The following MMP20 variants were observed in gnomAD, a reference collection of about 807,000 sequenced individuals.
MMP20 encodes matrix metallopeptidase 20, also known as matrix metalloproteinase-20.
A neutral mutation model predicts 51.8 loss-of-function variants in MMP20; 50 were observed. The observed-to-expected ratio is 0.97, with a 90% CI of 0.77 to 1.22. The LOEUF (loss-of-function observed/expected upper bound fraction) is 1.22. MMP20 is among the 50% of genes most tolerant of loss of function. The pLI is 0.00. For synonymous variants in MMP20, 244 were observed against 216.2 expected (o/e 1.13, Z -1.13); for missense variants, 663 against 601.4 (o/e 1.10, Z -1.07).
At chr11:102,585,114 A>C (rs1859240103) in intron 8 of MMP20, among the ~76,000 whole-genome samples, 2 of 152,226 alleles carry the variant, frequency 1.3e-5, no homozygotes, top group South Asian at 4.1e-4. Context: ...GTGAGTTTCG[A>C]GTTTCAAGAA....
chr11:102,590,370 C>T (rs1241392784), intron 8 of MMP20, among the ~76,000 whole-genome samples: 7 of 152,138 alleles, frequency 4.6e-5, no homozygotes, highest in Non-Finnish European at 1.0e-4. Flanking sequence ...ATAGTAGAGC[C>T]TCCTATTTGG....
chr11:102,582,142 T>A (rs1187555570), intron 8 of MMP20, among the ~76,000 whole-genome samples: 1 of 152,252 alleles, frequency 6.6e-6, no homozygotes, highest in East Asian at 1.9e-4. Flanking sequence ...TCCACATTTG[T>A]ATTCTAAGGA....
At chr11:102,620,502 A>G (rs1663084522) in intron 1 of MMP20, among the ~76,000 whole-genome samples, 1 of 89,446 alleles carries the variant, frequency 1.1e-5, no homozygotes, top group South Asian at 4.6e-4. Context: ...CCACTTCCTC[A>G]TTGTTAAAAT....
chr11:102,594,551 G>A, intron 7 of MMP20, 70 bp downstream of exon 7: 3 of 1,592,040 alleles, frequency 1.9e-6, no homozygotes, highest in Non-Finnish European at 2.6e-6. Context: ...ATGCTGGCAG[G>A]GCTAGATATG....
chr11:102,592,774 G>A (rs1004419396), intron 8 of MMP20, among the ~76,000 whole-genome samples: 1 of 152,190 alleles, frequency 6.6e-6, no homozygotes, highest in Admixed American at 6.5e-5. Flanking sequence ...GATCTTTGAA[G>A]GAGCTCCTCT....
intron 4 of MMP20, 28 bp from the exon 5 acceptor site, chr11:102,609,126 G>A: frequency 6.2e-7 from 1 of 1,608,564 alleles, no homozygotes; most frequent in Non-Finnish European, 8.5e-7. Context: ...GAAAAAAACA[G>A]TATCAACACA....
intron 5 of MMP20, 146 bp downstream of exon 5, chr11:102,608,791 A>C: frequency 1.2e-6 from 1 of 851,540 alleles, no homozygotes; most frequent in Non-Finnish European, 2.0e-6. Context: ...TATAACTAGC[A>C]AATCAGCTCT....
intron 8 of MMP20, 67 bp downstream of exon 8, chr11:102,593,372 G>T: frequency 2.6e-6 from 4 of 1,548,686 alleles, no homozygotes; most frequent in African/African-American, 1.4e-5. Context: ...TTCGTGGAAG[G>T]GTTTTTATCT....
intron 8 of MMP20, among the ~76,000 whole-genome samples, chr11:102,588,216 C>T (rs1040651771): frequency 8.6e-5 from 13 of 152,006 alleles, no homozygotes; most frequent in African/African-American, 3.1e-4. Flanking sequence ...GATATAGAAA[C>T]ATTACTCCTA....
rs1284603007 is a variant in MMP20, at chr11:102,611,887, G to T, written c.391C>A (p.Pro131Thr). The T allele has an allele frequency of 6.2e-7, 1 of 1,614,134 alleles. No individual in the cohort carries two copies. Among genetic ancestry groups the T allele is most frequent in the Non-Finnish European group, 8.5e-7 (1 of 1,179,940 alleles). The change falls in exon 3 of 10, where the codon CCT becomes ACT. Residue 131 changes from proline to threonine, a missense_variant. Pro to Thr is a conservative substitution (Grantham distance 38). Coordinates refer to ENST00000260228, the MANE Select transcript of MMP20 (RefSeq NM_004771.4). ...TLTYRISKYT[P>T]SMSSVEVDKA... The stretch of plus-strand genomic sequence containing the variant: ...TCCACCTCGACAGAACTCATGGAAG[G>T]TGTGTATTTAGATATTCTGTGAAAA...
chr11:102,583,757 T>C (rs1055685016), intron 8 of MMP20: 1 of 152,174 alleles, frequency 6.6e-6, no homozygotes, highest in Non-Finnish European at 1.5e-5. Context: ...CACAAAAACC[T>C]TATGCCTTTT....
chr11:102,606,670 C>T lies in MMP20; in HGVS notation c.818G>A (p.Arg273Gln), dbSNP rs141875245. The change falls in exon 6 of 10, where the codon CGG becomes CAG. Residue 273 changes from arginine to glutamine, a missense_variant. Transcript: ENST00000260228. The stretch of plus-strand genomic sequence containing the variant: ...AGTGGGCTTCCCCAGGAATACTTTC[C>T]GAGGTCCTAGGATTCAAAATGAGTT... ...VKGIQALYGPRKVFLGKPTLP... is the reference protein window; with the variant it reads ...VKGIQALYGPQKVFLGKPTLP... 2.7e-4 allele frequency: 435 copies of T among 1,613,836 alleles called. No individual in the cohort carries two copies. The highest frequency in any genetic ancestry group is 3.3e-4 in the Non-Finnish European group (394 of 1,179,920).
intron 6 of MMP20, among the ~76,000 whole-genome samples, chr11:102,601,972 C>T (rs1266908581): frequency 2.9e-5 from 4 of 137,602 alleles, no homozygotes; most frequent in Non-Finnish European, 6.1e-5. Flanking sequence ...TTTTTTGAGA[C>T]GGAGTCTTGC....
chr11:102,614,896 A>G (rs1319187306), intron 2 of MMP20, among the ~76,000 whole-genome samples: 1 of 152,064 alleles, frequency 6.6e-6, no homozygotes, highest in East Asian at 1.9e-4. Context: ...ACTTACCATC[A>G]CTGAATGCCA....
chr11:102,616,843 G>A lies in MMP20; in HGVS notation c.343C>T (p.Pro115Ser), dbSNP rs374230120. The A allele has an allele frequency of 2.7e-5, 44 of 1,613,980 alleles. 1 individual carries two copies. In the East Asian group the frequency reaches 9.6e-4, roughly 35 times the overall value. Reference protein sequence around the residue: ...VANYRLFPGEPKWKKNTLTYR... With the variant: ...VANYRLFPGESKWKKNTLTYR... ...GTCAAAGTATTTTTTTTCCATTTGG[G>A]TTCACCAGGGAAGAGGCGATAATTG... The change falls in exon 2 of 10, where the codon CCC becomes TCC. Residue 115 changes from proline to serine, a missense_variant. Pro to Ser is a moderately conservative substitution (Grantham distance 74). Coordinates refer to ENST00000260228, the MANE Select transcript of MMP20 (RefSeq NM_004771.4).
At chr11:102,596,058 T>TCAAG (rs1565392937) in intron 6 of MMP20, among the ~76,000 whole-genome samples, 2 of 152,214 alleles carry the variant, frequency 1.3e-5, no homozygotes, top group African/African-American at 4.8e-5. Flanking sequence ...GATGAAACAC[T>TCAAG]GAAGAAGATG....
chr11:102,604,020 G>GTTT (rs55952766), intron 6 of MMP20, among the ~76,000 whole-genome samples: 23 of 146,356 alleles, frequency 1.6e-4, no homozygotes, highest in African/African-American at 5.8e-4. Context: ...AAACAGAGGT[G>GTTT]TTTTTTTTTT....
chr11:102,601,515 A>T (rs1344945050), intron 6 of MMP20, among the ~76,000 whole-genome samples: 3 of 152,024 alleles, frequency 2.0e-5, no homozygotes, highest in Admixed American at 1.3e-4. Flanking sequence ...TCCTAGGCTC[A>T]TTCTTTAGAC....
In MMP20 at chr11:102,579,119, A is replaced by AC; in HGVS notation, c.1270_1271insG (p.Met424SerfsTer10). ...AGTATTCTTTGGATAGTCTTTTTCC[A>AC]TTTTCCTTTTCCTTTCGTCGTAGCT... On this transcript the variant is annotated frameshift_variant, in exon 9 of 10. Coordinates refer to ENST00000260228, the MANE Select transcript of MMP20 (RefSeq NM_004771.4). LOFTEE classifies it high-confidence loss of function. 1 of 1,613,216 alleles carries AC rather than the reference A, an allele frequency of 6.2e-7. No homozygotes were observed. Among genetic ancestry groups the AC allele is most frequent in the Non-Finnish European group, 8.5e-7 (1 of 1,179,350 alleles).
Sources: allele counts gnomAD v4.1 joint callset (sites outside exome capture counted in the v4.1 genomes callset), GRCh38; gene constraint gnomAD v4.1.1; transcripts MANE v1.5; gene names NCBI Gene and HGNC (gene_info 2026-07-23, HGNC 2026-07-21).